Variants in FMN2 observed in about 807,000 individuals in gnomAD.
The protein encoded by FMN2 is formin 2.
FMN2 carries 51 observed loss-of-function variants against 142.3 expected under a neutral mutation model. The ratio of observed to expected loss-of-function variants is 0.36; its 90% CI spans 0.29 to 0.45. FMN2 has a LOEUF of 0.45. FMN2 is among the 20% of genes least tolerant of loss of function. The probability of loss-of-function intolerance (pLI) is 1.00; values close to 1 mark genes in which losing one functional copy is unlikely to be tolerated. For synonymous variants in FMN2, 882 were observed against 869.8 expected, an observed-to-expected ratio of 1.01 and a Z score of -0.25; for missense variants, 1,936 against 2,122.8, an observed-to-expected ratio of 0.91 and a Z score of 1.73.
chr1:240,266,700 C>A (rs12039020), intron 7 of FMN2, among the ~76,000 whole-genome samples: 231 of 151,658 alleles, frequency 1.5e-3, no homozygotes, highest in Middle Eastern at 3.4e-3. Flanking sequence ...TTTGGTAGAA[C>A]AATTTATTAT....
chr1:240,472,592 C>CT (rs1172189602), intron 17 of FMN2, 139 bp downstream of exon 17: 1 of 557,110 alleles, frequency 1.8e-6, no homozygotes, highest in East Asian at 3.3e-5. Context: ...CAAGAATCTC[C>CT]TTTTTCTTAT....
chr1:240,460,379 G>A (rs1243588545), intron 16 of FMN2, among the ~76,000 whole-genome samples: 1 of 152,182 alleles, frequency 6.6e-6, no homozygotes. Context: ...ATCACCTGAG[G>A]TCAGGAGTTC....
In FMN2 at chr1:240,207,509, T is replaced by A. The variant is rs1666414415; in HGVS notation, c.2697T>A (p.Pro899=). The change falls in exon 5 of 18, where the codon CCT becomes CCA. Residue 899 remains proline, a synonymous_variant. Coordinates refer to ENST00000319653, the MANE Select transcript of FMN2 (RefSeq NM_020066.5). ...TGCCCAGTACAGCCATTCCCCAACC[T>A]CCTCCTCTGCAGGGTACAGAAATGC... The part of the protein sequence containing the change: ...PTLPSTAIPQ[P]PPLQGTEMLP... The A allele has an allele frequency of 2.5e-6, 4 of 1,604,276 alleles. No individual in the cohort carries two copies. In the East Asian group the frequency reaches 6.7e-5, roughly 27 times the overall value.
chr1:240,215,580 T>A (rs1315257891), intron 6 of FMN2, among the ~76,000 whole-genome samples: 1 of 152,220 alleles, frequency 6.6e-6, no homozygotes, highest in Admixed American at 6.5e-5. Flanking sequence ...TAAAAATGAA[T>A]TAAATACTTT....
intron 14 of FMN2, among the ~76,000 whole-genome samples, chr1:240,391,285 C>T (rs1673593670): frequency 6.6e-6 from 1 of 152,182 alleles, no homozygotes; most frequent in Non-Finnish European, 1.5e-5. Flanking sequence ...TGGGTTATGA[C>T]TTTGCAGATA....
chr1:240,237,059 G>C (rs1376391914), intron 6 of FMN2, among the ~76,000 whole-genome samples: 1 of 152,146 alleles, frequency 6.6e-6, no homozygotes, highest in South Asian at 2.1e-4. Flanking sequence ...GTGAGTTTTT[G>C]TTGTTGTTTT....
chr1:240,184,508 G>A (rs576204197), intron 3 of FMN2, among the ~76,000 whole-genome samples: 1 of 145,558 alleles, frequency 6.9e-6, no homozygotes, highest in Admixed American at 6.9e-5. Flanking sequence ...GAGCCATTGC[G>A]CCCGGCCTGT....
intron 4 of FMN2, among the ~76,000 whole-genome samples, chr1:240,202,511 A>G (rs1201930547): frequency 6.6e-6 from 1 of 151,948 alleles, no homozygotes; most frequent in Non-Finnish European, 1.5e-5. Context: ...TGTTTTTTAT[A>G]TTTTTAGAGG....
intron 8 of FMN2, among the ~76,000 whole-genome samples, chr1:240,297,886 C>T (rs1374437378): frequency 6.6e-6 from 1 of 152,110 alleles, no homozygotes; most frequent in Non-Finnish European, 1.5e-5. Flanking sequence ...GGCCCTCTTC[C>T]AGGTTCACAG....
In FMN2 at chr1:240,093,346, C is replaced by G. The variant is rs1470419244; in HGVS notation, c.1237C>G (p.Leu413Val). 6.2e-7 allele frequency: 1 copy of G among 1,613,182 alleles called. No homozygotes were observed. Among genetic ancestry groups the G allele is most frequent in the African/African-American group, 1.3e-5 (1 of 74,910 alleles). The change falls in exon 1 of 18, where the codon CTC becomes GTC. Residue 413 changes from leucine to valine, a missense_variant. Around this residue, in one of 8 missense-constraint regions of FMN2, gnomAD observed 751 missense variants for 791.8 expected, o/e 0.95. Transcript: ENST00000319653. The part of the protein sequence containing the change: ...PSQRCFKPYP[L>V]ITPCYIKTTT... ...CCAGCGCTGTTTCAAGCCCTACCCG[C>G]TCATCACCCCCTGCTACATCAAGAC...
chr1:240,176,736 C>T (rs10926158), intron 2 of FMN2, among the ~76,000 whole-genome samples: 12,314 of 152,196 alleles, frequency 0.081, 567 homozygotes, highest in African/African-American at 0.12. Flanking sequence ...TGGTGTTGGT[C>T]GAGATAGGAT....
chr1:240,305,202 A>T (rs959446797), intron 8 of FMN2, among the ~76,000 whole-genome samples: 1 of 152,134 alleles, frequency 6.6e-6, no homozygotes, highest in Non-Finnish European at 1.5e-5. Flanking sequence ...ATTTAGTCAG[A>T]TTTTCCTCTA....
intron 8 of FMN2, among the ~76,000 whole-genome samples, chr1:240,312,051 A>G (rs115309311): frequency 6.6e-6 from 1 of 152,340 alleles, no homozygotes; most frequent in Non-Finnish European, 1.5e-5. Flanking sequence ...CTGACATTGT[A>G]GAGCAGAGAG....
intron 14 of FMN2, among the ~76,000 whole-genome samples, chr1:240,357,220 A>C (rs1275687722): frequency 6.6e-6 from 1 of 152,214 alleles, no homozygotes; most frequent in East Asian, 1.9e-4. Context: ...CCTTAATCCT[A>C]GGAGGATTTA....
chr1:240,355,973 A>T, intron 14 of FMN2, 65 bp downstream of exon 14: 1 of 705,700 alleles, frequency 1.4e-6, no homozygotes, highest in Non-Finnish European at 2.1e-6. Context: ...AAAAAAAAAA[A>T]AAAAAAAAAA....
In FMN2 at chr1:240,202,156, T is replaced by G. The variant is rs377711249; in HGVS notation, c.1987-4643T>G. Among the ~76,000 whole-genome samples the G allele has an allele frequency of 7.9e-5, 12 of 152,332 alleles. No homozygotes were observed. The East Asian group carries it at 2.1e-3, about 27-fold the overall frequency. On this transcript the variant is annotated intron_variant, in intron 4 of 17. Transcript: ENST00000319653. ...GGAGTCTGCAAATGTAGTTTTTCTTTGTATTTCTGTAAACGGGAAGGGGAG... is the reference window on the plus strand; with the variant it reads ...GGAGTCTGCAAATGTAGTTTTTCTTGGTATTTCTGTAAACGGGAAGGGGAG...
intron 1 of FMN2, among the ~76,000 whole-genome samples, chr1:240,108,798 G>T (rs1362572473): frequency 6.6e-6 from 1 of 152,148 alleles, no homozygotes; most frequent in Non-Finnish European, 1.5e-5. Context: ...CACTTTGGGA[G>T]GCCGAGGCAG....
chr1:240,196,352 G>T (rs10926163), intron 4 of FMN2, among the ~76,000 whole-genome samples: 1 of 151,948 alleles, frequency 6.6e-6, no homozygotes, highest in Non-Finnish European at 1.5e-5. Context: ...GAAATGATGG[G>T]TTTGGTAACC....
chr1:240,295,189 TACACACACACACACACAC>T (rs67137806), intron 8 of FMN2, among the ~76,000 whole-genome samples: 6 of 144,188 alleles, frequency 4.2e-5, no homozygotes, highest in African/African-American at 1.3e-4. Flanking sequence ...GTGCACTTCA[TACACACACACACACACAC>T]ACACACACAC....
Sources: gnomAD v4.1 joint callset for allele counts (sites outside exome capture counted in the v4.1 genomes callset) on GRCh38, gnomAD v4.1.1 for gene constraint, gnomAD v4.1.1 regional missense constraint, MANE v1.5 for transcripts, NCBI Gene and HGNC (gene_info 2026-07-23, HGNC 2026-07-21) for gene names.